Variants in IFT74 observed in about 807,000 individuals in gnomAD.
IFT74 encodes the protein intraflagellar transport 74.
IFT74 carries 92 observed loss-of-function variants against 96.7 expected under a neutral mutation model. The ratio of observed to expected loss-of-function variants is 0.95; its 90% CI spans 0.80 to 1.13. The LOEUF (loss-of-function observed/expected upper bound fraction) is 1.13, where lower values mean the gene tolerates loss of function less well. Ranked by LOEUF, IFT74 falls within the 50% of genes most tolerant of loss-of-function variation. IFT74 has a pLI of 0.00. For synonymous variants in IFT74, 223 were observed against 213.2 expected, an observed-to-expected ratio of 1.05 and a Z score of -0.40; for missense variants, 811 against 698.2, an observed-to-expected ratio of 1.16 and a Z score of -1.82.
intron 8 of IFT74, chr9:26,997,831 T>C (rs866593464): frequency 6.2e-7 from 1 of 1,614,194 alleles, no homozygotes; most frequent in South Asian, 1.1e-5. Context: ...GATGAAATAG[T>C]GGTGGTACAT....
chr9:27,028,475 A>G (rs1158171145), intron 12 of IFT74, among the ~76,000 whole-genome samples: 3 of 152,136 alleles, frequency 2.0e-5, no homozygotes, highest in African/African-American at 7.2e-5. Flanking sequence ...AAAAAGATCT[A>G]TGCTTGGCGC....
rs1025354030 is a variant in IFT74 at position 27,065,053 on chromosome 9, A to G, written c.*2317A>G. Among the ~76,000 whole-genome samples, 1 of 152,188 alleles carries G rather than the reference A, an allele frequency of 6.6e-6. No individual in the cohort carries two copies. Among genetic ancestry groups the G allele is most frequent in the African/African-American group, 2.4e-5 (1 of 41,466 alleles). On this transcript the variant is annotated 3_prime_UTR_variant, in exon 20 of 20. Transcript: ENST00000380062. Reference sequence around the variant, plus strand: ...CTGAACCAATCTTTACGCAGAAAGAAAGTAGGAGGAAGATTGGCCTGTCCA... The same window carrying G: ...CTGAACCAATCTTTACGCAGAAAGAGAGTAGGAGGAAGATTGGCCTGTCCA...
intron 6 of IFT74, among the ~76,000 whole-genome samples, chr9:26,987,487 A>T (rs1827690528): frequency 6.6e-6 from 1 of 152,250 alleles, no homozygotes; most frequent in Non-Finnish European, 1.5e-5. Flanking sequence ...AAATACTACC[A>T]TATAAAATAT....
intron 12 of IFT74, among the ~76,000 whole-genome samples, chr9:27,024,811 TAAA>T (rs946204778): frequency 6.6e-6 from 1 of 151,092 alleles, no homozygotes; most frequent in Non-Finnish European, 1.5e-5. Context: ...GTAGCATAAA[TAAA>T]AAAACAGTCA....
At chr9:27,060,910 C>T (rs912775912) in intron 19 of IFT74, 4 of 189,564 alleles carry the variant, frequency 2.1e-5, no homozygotes, top group Non-Finnish European at 3.1e-5. Context: ...CTCAGTGAGC[C>T]GAGATGGCAC....
intron 4 of IFT74, chr9:26,983,811 T>C (rs1827499539): frequency 6.8e-6 from 1 of 146,484 alleles, no homozygotes; most frequent in Non-Finnish European, 1.5e-5. Flanking sequence ...TGAGATGGTG[T>C]CTCCCTCTGT....
chr9:27,000,567 AT>A (rs1461999688), intron 8 of IFT74, among the ~76,000 whole-genome samples: 1 of 152,212 alleles, frequency 6.6e-6, no homozygotes, highest in Non-Finnish European at 1.5e-5. Context: ...GTGCATTCAT[AT>A]AATTTTTAAA....
upstream of IFT74, among the ~76,000 whole-genome samples, chr9:26,952,617 G>T (rs2131456372): frequency 6.6e-6 from 1 of 152,248 alleles, no homozygotes; most frequent in East Asian, 1.9e-4. Flanking sequence ...GCATTCCTTG[G>T]TTTAAAATTC....
intron 12 of IFT74, among the ~76,000 whole-genome samples, chr9:27,025,277 T>C (rs1232297171): frequency 3.3e-5 from 5 of 151,478 alleles, no homozygotes; most frequent in South Asian, 2.1e-4. Flanking sequence ...ACCTTGTCTC[T>C]ACTAAAAATA....
At chr9:27,031,230 G>A (rs1217861684) in intron 13 of IFT74, among the ~76,000 whole-genome samples, 1 of 152,144 alleles carries the variant, frequency 6.6e-6, no homozygotes, top group Non-Finnish European at 1.5e-5. Flanking sequence ...TGTAGTCCCA[G>A]CACTTTGGGA....
chr9:27,035,446 G>A (rs1763523395), intron 13 of IFT74, among the ~76,000 whole-genome samples: 1 of 151,852 alleles, frequency 6.6e-6, no homozygotes, highest in Non-Finnish European at 1.5e-5. Flanking sequence ...TAAAATGGTG[G>A]TATTACATCT....
chr9:27,001,786 T>C (rs1330650251), intron 8 of IFT74, among the ~76,000 whole-genome samples: 4 of 152,142 alleles, frequency 2.6e-5, no homozygotes, highest in African/African-American at 9.7e-5. Flanking sequence ...ACTTTTTTGA[T>C]CATTTTCTTT....
chr9:26,985,480 A>G (rs1291949272), intron 6 of IFT74, among the ~76,000 whole-genome samples: 1 of 152,158 alleles, frequency 6.6e-6, no homozygotes, highest in Non-Finnish European at 1.5e-5. Context: ...AAAACATTTG[A>G]TGAAAAAATA....
chr9:26,961,207 C>T (rs1016857992), intron 1 of IFT74, among the ~76,000 whole-genome samples: 2 of 151,306 alleles, frequency 1.3e-5, no homozygotes, highest in East Asian at 3.9e-4. Context: ...TCTCCTGCCT[C>T]GGCCTCCTGA....
chr9:26,990,062 CA>C, intron 7 of IFT74, 71 bp from the exon 8 acceptor site: 2 of 833,458 alleles, frequency 2.4e-6, no homozygotes, highest in Admixed American at 3.2e-5. Flanking sequence ...AGTTCCTAGC[CA>C]AAATAACCTA....
intron 12 of IFT74, among the ~76,000 whole-genome samples, chr9:27,025,334 T>G (rs1447531202): frequency 6.6e-6 from 1 of 150,930 alleles, no homozygotes; most frequent in East Asian, 2.0e-4. Context: ...TCCCAGCAAC[T>G]TGGGAGGCTA....
rs528556494 is a variant in IFT74, at chr9:26,948,430, C to G, written c.-20+1284C>G. Among the ~76,000 whole-genome samples the G allele has an allele frequency of 5.9e-5, 8 of 135,260 alleles. No homozygotes were observed. The Admixed American group carries it at 6.1e-4, about 10-fold the overall frequency. The allele number at this position is 135,260 out of a possible 152,430, so 88.7% of individuals were successfully genotyped here. On this transcript the variant is annotated intron_variant, in intron 1 of 19. Coordinates refer to the IFT74 transcript ENST00000433700. ...AATTGTTTTTTCTCTGTTTGACAAC[C>G]TGTGATGGCTTTCCATTATTTTTTT...
rs532784458 is a variant in IFT74 at position 27,006,550 on chromosome 9, T to C, written c.588-2470T>C. 2.8e-3 allele frequency among the ~76,000 whole-genome samples: 423 copies of C among 151,548 alleles called. 1 individual carries two copies. Among genetic ancestry groups the C allele is most frequent in the Non-Finnish European group, 5.2e-3 (352 of 67,912 alleles). On this transcript the variant is annotated intron_variant, in intron 8 of 19. Coordinates refer to ENST00000380062, the MANE Select transcript of IFT74 (RefSeq NM_025103.4). ...AGTTTGAGCATGCAGTGAGCCATGA[T>C]TGTGCTACCACAGTCTAGTCTGGGT...
At chr9:26,947,337 T>A (rs1825771119) in intron 1 of IFT74, 1 of 422,922 alleles carries the variant, frequency 2.4e-6, no homozygotes, top group Admixed American at 4.6e-5. Context: ...CTGAGCTGGC[T>A]TTCCTCCAGG....
Sources: allele counts gnomAD v4.1 joint callset (sites outside exome capture counted in the v4.1 genomes callset), GRCh38; gene constraint gnomAD v4.1.1; transcripts MANE v1.5; gene names NCBI Gene and HGNC (gene_info 2026-07-23, HGNC 2026-07-21).